MSH4: variants seen among roughly 807,000 people sequenced by gnomAD.
MSH4 encodes the protein mutS homolog 4.
MSH4 carries 106 observed loss-of-function variants against 113.7 expected under a neutral mutation model. The ratio of observed to expected loss-of-function variants is 0.93; its 90% confidence interval spans 0.80 to 1.10. MSH4 has a LOEUF of 1.10. Ranked by LOEUF, MSH4 falls within the 50% of genes least tolerant of loss-of-function variation. The pLI is 0.00. For synonymous variants in MSH4, 368 were observed against 380.2 expected (o/e 0.97, Z 0.37); for missense variants, 1,061 against 1,093.7 (o/e 0.97, Z 0.42).
intron 6 of MSH4, among the ~76,000 whole-genome samples, chr1:75,822,169 G>A (rs1332552636): frequency 6.6e-6 from 1 of 151,676 alleles, no homozygotes; most frequent in Non-Finnish European, 1.5e-5. Flanking sequence ...GGCGCCTGTA[G>A]TCCCAGCTAC....
At position 75,798,559 on chromosome 1, in the gene MSH4, C is replaced by CTTTT. The variant is rs35974049; in HGVS notation, c.244+1342_244+1345dup. Among the ~76,000 whole-genome samples the CTTTT allele has an allele frequency of 6.0e-3, 819 of 137,632 alleles. 19 individuals carry two copies. Among genetic ancestry groups the CTTTT allele is most frequent in the Middle Eastern group, 0.024 (6 of 250 alleles). 90.3% of individuals were successfully genotyped at this position (137,632 alleles called of 152,430 possible). A position where few individuals can be genotyped will look rare whatever the true frequency, so the allele number is the denominator to read the frequency against. ...ATGATTAATTAAATTCCTCTCTGCACTTTTTTTTTTTTTTTGAGACAGAGT... is the reference window on the plus strand; with the variant it reads ...ATGATTAATTAAATTCCTCTCTGCACTTTTTTTTTTTTTTTTTTTGAGACAGAGT... On this transcript the variant is annotated intron_variant, in intron 1 of 19. Transcript: ENST00000263187.
intron 15 of MSH4, among the ~76,000 whole-genome samples, chr1:75,886,585 A>G (rs111214205): frequency 8.0e-6 from 1 of 125,070 alleles, no homozygotes; most frequent in Admixed American, 9.1e-5. Flanking sequence ...TATGTATAAT[A>G]TATAATGTAT....
In MSH4 at chr1:75,883,819, T is replaced by C. The variant is rs1302884088; in HGVS notation, c.2105T>C (p.Ile702Thr). 5 of 1,611,120 alleles carry C rather than the reference T, an allele frequency of 3.1e-6. No homozygotes were observed. Among genetic ancestry groups the C allele is most frequent in the East Asian group, 2.2e-5 (1 of 44,718 alleles). The change falls in exon 15 of 20, where the codon ATT becomes ACT. Residue 702 changes from isoleucine (I) to threonine (T), a missense_variant and splice_region_variant. Transcript: ENST00000263187. ...GCTCTTTGTCAGATTATGGCCCAGA[T>C]TGGTAAGTTATGGCTTTATTTATAA... ...QIALCQIMAQ[I>T]GSYVPAEYSS...
chr1:75,886,951 G>A (rs1405577596), intron 15 of MSH4, among the ~76,000 whole-genome samples: 4 of 150,874 alleles, frequency 2.7e-5, no homozygotes, highest in Non-Finnish European at 5.9e-5. Context: ...CAGGACCCAT[G>A]TCTGTTTATT....
chr1:75,875,531 A>T (rs1207353159), intron 9 of MSH4, among the ~76,000 whole-genome samples: 1 of 152,226 alleles, frequency 6.6e-6, no homozygotes, highest in Admixed American at 6.5e-5. Context: ...ATGACTCTAG[A>T]GGAAACATTT....
chr1:75,855,040 TTTTTC>T (rs1485355193), intron 8 of MSH4, among the ~76,000 whole-genome samples: 1 of 151,888 alleles, frequency 6.6e-6, no homozygotes. Context: ...TTAGTTTTTT[TTTTTC>T]TTTCTTTTTT....
intron 6 of MSH4, among the ~76,000 whole-genome samples, chr1:75,817,585 G>T (rs1389175330): frequency 6.6e-6 from 1 of 152,164 alleles, no homozygotes; most frequent in Non-Finnish European, 1.5e-5. Context: ...TAGTATTATA[G>T]TTGAAAGGAA....
At position 75,893,389 on chromosome 1, in the gene MSH4, AG is replaced by A. The variant is rs376588837; in HGVS notation, c.2355+2568del. 5.3e-4 allele frequency among the ~76,000 whole-genome samples: 80 copies of A among 152,294 alleles called. 1 individual carries two copies. The highest frequency in any genetic ancestry group is 1.8e-3 in the African/African-American group (74 of 41,564). On this transcript the variant is annotated intron_variant, in intron 17 of 19. Coordinates refer to ENST00000263187, the MANE Select transcript of MSH4 (RefSeq NM_002440.4). ...TTATAGGGTATCTCCTGTTAAAGTG[AG>A]GGCATTAGTTGGGAAGGAATGGGAG...
At chr1:75,837,368 A>G (rs1221918033) in intron 7 of MSH4, among the ~76,000 whole-genome samples, 2 of 147,268 alleles carry the variant, frequency 1.4e-5, no homozygotes, top group East Asian at 2.0e-4. Flanking sequence ...CTGAAACTTA[A>G]TGTACCCAAA....
At position 75,796,890 on chromosome 1, in the gene MSH4, C is replaced by G. The variant is rs5745310; in HGVS notation, c.-96C>G. The G allele has an allele frequency of 1.9e-6, 3 of 1,556,460 alleles. No homozygotes were observed. The highest frequency in any genetic ancestry group is 1.2e-5 in the South Asian group (1 of 83,256). On this transcript the variant is annotated 5_prime_UTR_variant, in exon 1 of 20. Coordinates refer to ENST00000263187, the MANE Select transcript of MSH4 (RefSeq NM_002440.4). ...CAGCTTAGTGCGTCGGCGCGCAGTT[C>G]TCCCGCCCGTTTCAGCGGCGCAGCT...
At chr1:75,890,655 G>A (rs1652231509) in intron 16 of MSH4, 41 bp from the exon 17 acceptor site, 2 of 1,116,864 alleles carry the variant, frequency 1.8e-6, no homozygotes, top group Non-Finnish European at 2.5e-6. Context: ...ATTGACAGCT[G>A]TTTGGTTACA....
At chr1:75,888,622 AT>A (rs1330084760) in intron 15 of MSH4, among the ~76,000 whole-genome samples, 5 of 149,672 alleles carry the variant, frequency 3.3e-5, no homozygotes, top group African/African-American at 1.2e-4. Flanking sequence ...TTTTTAATTT[AT>A]TTTATTTTTG....
intron 2 of MSH4, among the ~76,000 whole-genome samples, chr1:75,805,023 T>C (rs375031585): frequency 6.8e-5 from 10 of 146,094 alleles, no homozygotes; most frequent in South Asian, 2.2e-4. Context: ...GACAGGGTTT[T>C]ACCATATTGG....
chr1:75,860,703 T>G (rs750660786), intron 8 of MSH4, among the ~76,000 whole-genome samples: 1 of 152,216 alleles, frequency 6.6e-6, no homozygotes, highest in Non-Finnish European at 1.5e-5. Context: ...CATTTTTTCC[T>G]TCATTTCAAC....
At chr1:75,899,925 G>C (rs948936498) in intron 19 of MSH4, among the ~76,000 whole-genome samples, 18 of 151,476 alleles carry the variant, frequency 1.2e-4, no homozygotes, top group Non-Finnish European at 2.4e-4. Context: ...TAACAAGCTA[G>C]GAGATAAAAA....
chr1:75,818,152 A>G (rs190578806), intron 6 of MSH4, among the ~76,000 whole-genome samples: 3 of 152,322 alleles, frequency 2.0e-5, no homozygotes, highest in Admixed American at 2.0e-4. Flanking sequence ...ACATATTAAT[A>G]GTAGTCATAC....
chr1:75,882,007 A>G (rs914054791), intron 14 of MSH4, among the ~76,000 whole-genome samples: 5 of 152,094 alleles, frequency 3.3e-5, no homozygotes, highest in African/African-American at 1.2e-4. Context: ...TACATTAAAA[A>G]CATTGAAATT....
At chr1:75,827,603 C>A (rs1183500299) in intron 7 of MSH4, among the ~76,000 whole-genome samples, 3 of 140,908 alleles carry the variant, frequency 2.1e-5, no homozygotes, top group Non-Finnish European at 4.5e-5. Flanking sequence ...ATCTCACATG[C>A]AAAGACACAC....
At chr1:75,885,029 ATGTGTGTG>A (rs1176556889) in intron 15 of MSH4, among the ~76,000 whole-genome samples, 52 of 122,254 alleles carry the variant, frequency 4.3e-4, no homozygotes, top group African/African-American at 1.3e-3. Flanking sequence ...ATATATATAT[ATGTGTGTG>A]TGTGTGTGTG....
Sources: allele counts gnomAD v4.1 joint callset (sites outside exome capture counted in the v4.1 genomes callset), GRCh38; gene constraint gnomAD v4.1.1; transcripts MANE v1.5; gene names NCBI Gene and HGNC (gene_info 2026-07-23, HGNC 2026-07-21).